Variants in RGS7 observed in about 807,000 individuals in gnomAD.
The protein encoded by RGS7 is regulator of G-protein signaling 7.
A neutral mutation model predicts 81.1 loss-of-function variants in RGS7; 27 were observed. That is an observed-to-expected ratio of 0.33 (90% CI 0.25 to 0.46). The LOEUF is 0.46. Ranked by LOEUF, RGS7 falls within the 20% of genes least tolerant of loss-of-function variation. The probability of loss-of-function intolerance (pLI) is 1.00; values close to 1 mark genes in which losing one functional copy is unlikely to be tolerated. For synonymous variants in RGS7, 208 were observed against 207.7 expected (o/e 1.00, Z -0.01); for missense variants, 396 against 607.4 (o/e 0.65, Z 3.66).
At chr1:241,100,994 G>A (rs2064697261) in intron 2 of RGS7, among the ~76,000 whole-genome samples, 1 of 152,206 alleles carries the variant, frequency 6.6e-6, no homozygotes, top group Non-Finnish European at 1.5e-5. Context: ...TTTTCTCTTG[G>A]CTAGAAGCCC....
At chr1:241,225,193 C>T (rs1353691631) in intron 2 of RGS7, among the ~76,000 whole-genome samples, 1 of 152,124 alleles carries the variant, frequency 6.6e-6, no homozygotes, top group African/African-American at 2.4e-5. Context: ...TATTATTCCA[C>T]TCTCTGAATC....
At chr1:241,021,581 CTGAG>C (rs2059538537) in intron 3 of RGS7, among the ~76,000 whole-genome samples, 1 of 152,096 alleles carries the variant, frequency 6.6e-6, no homozygotes, top group Non-Finnish European at 1.5e-5. Context: ...TATTTGCTGA[CTGAG>C]TGTCATGTGG....
In RGS7 at chr1:241,246,002, G is replaced by T. The variant is rs547827786; in HGVS notation, c.78+109697C>A. 1.7e-4 allele frequency among the ~76,000 whole-genome samples: 26 copies of T among 152,112 alleles called. No homozygotes were observed. The South Asian group carries it at 5.0e-3, about 29-fold the overall frequency. On this transcript the variant is annotated intron_variant, in intron 2 of 18. Transcript: ENST00000440928. ...GCCTGTAGTCCCAGCTACTCGGAAG[G>T]CTGAGGCAGGAGAATGGCGTGAACC...
chr1:241,056,248 C>T (rs184386830), intron 3 of RGS7, among the ~76,000 whole-genome samples: 1 of 152,312 alleles, frequency 6.6e-6, no homozygotes, highest in East Asian at 1.9e-4. Context: ...ATGTATGCTT[C>T]TTTCTTACCA....
chr1:241,019,881 G>T (rs1199036871), intron 3 of RGS7, among the ~76,000 whole-genome samples: 1 of 152,176 alleles, frequency 6.6e-6, no homozygotes, highest in Non-Finnish European at 1.5e-5. Context: ...TATGACTTCA[G>T]TTCTCTGATG....
At chr1:241,143,199 C>T (rs1033036140) in intron 2 of RGS7, among the ~76,000 whole-genome samples, 2 of 152,200 alleles carry the variant, frequency 1.3e-5, no homozygotes, top group Non-Finnish European at 2.9e-5. Context: ...TTACTGTCTT[C>T]TTCTGAGCCC....
At chr1:240,956,363 G>C (rs915164446) in intron 4 of RGS7, among the ~76,000 whole-genome samples, 9 of 129,094 alleles carry the variant, frequency 7.0e-5, no homozygotes, top group African/African-American at 2.6e-4. Context: ...ATATCCCAAA[G>C]TACCAAAAAC....
intron 2 of RGS7, among the ~76,000 whole-genome samples, chr1:241,184,964 GA>G (rs1251295869): frequency 2.0e-5 from 3 of 152,200 alleles, no homozygotes; most frequent in African/African-American, 7.2e-5. Context: ...TTCTTAAGCA[GA>G]ATGAAGGCAA....
chr1:241,046,956 G>A lies in RGS7; in HGVS notation c.175+51710C>T, dbSNP rs556062931. ...GCTCATGAGGAACTTAGAGTGAAGC[G>A]AAATGCCAGTGGACCTCCTCCAAAG... On this transcript the variant is annotated intron_variant, in intron 3 of 18. Coordinates refer to ENST00000440928, the MANE Select transcript of RGS7 (RefSeq NM_001364886.1). Among the ~76,000 whole-genome samples, 7 of 152,204 alleles carry A rather than the reference G, an allele frequency of 4.6e-5. No individual in the cohort carries two copies. The East Asian group carries it at 7.7e-4, about 17-fold the overall frequency.
intron 3 of RGS7, among the ~76,000 whole-genome samples, chr1:241,051,815 T>C (rs909618978): frequency 4.6e-5 from 7 of 152,236 alleles, no homozygotes. Context: ...ACATGTGTTA[T>C]CTTATTCACT....
intron 6 of RGS7, among the ~76,000 whole-genome samples, chr1:240,905,821 A>G (rs1386333641): frequency 1.3e-5 from 2 of 152,214 alleles, no homozygotes; most frequent in Non-Finnish European, 2.9e-5. Context: ...CTAAGATGAC[A>G]TGCACCAGGG....
intron 2 of RGS7, among the ~76,000 whole-genome samples, chr1:241,325,907 C>T (rs894978083): frequency 1.3e-5 from 2 of 152,170 alleles, no homozygotes; most frequent in Admixed American, 6.5e-5. Context: ...TGACTTGGAA[C>T]AACCGTTACA....
chr1:241,243,792 T>C (rs1192108925), intron 2 of RGS7, among the ~76,000 whole-genome samples: 4 of 152,198 alleles, frequency 2.6e-5, no homozygotes, highest in African/African-American at 9.6e-5. Flanking sequence ...GGCAGCAACC[T>C]GAAAACCTAG....
chr1:241,047,662 AC>A (rs1333882071), intron 3 of RGS7, among the ~76,000 whole-genome samples: 1 of 151,568 alleles, frequency 6.6e-6, no homozygotes, highest in African/African-American at 2.4e-5. Context: ...TAAACACGAT[AC>A]ACTTGAATAT....
chr1:241,211,603 T>C (rs575726359), intron 2 of RGS7, among the ~76,000 whole-genome samples: 26 of 152,348 alleles, frequency 1.7e-4, no homozygotes, highest in African/African-American at 5.8e-4. Context: ...GCTAATTTTC[T>C]AGCTGCAGCA....
chr1:241,172,722 G>T (rs559368210), intron 2 of RGS7, among the ~76,000 whole-genome samples: 1 of 152,312 alleles, frequency 6.6e-6, no homozygotes, highest in African/African-American at 2.4e-5. Flanking sequence ...CTTGAGAAAT[G>T]AGTCATCTGT....
chr1:241,244,614 G>C (rs141353049), intron 2 of RGS7, among the ~76,000 whole-genome samples: 101,820 of 151,940 alleles, frequency 0.67, 34,193 homozygotes, highest in East Asian at 0.69. Context: ...GGGTATATAC[G>C]CAAAGGATTA....
At chr1:240,943,831 T>A (rs1678015669) in intron 4 of RGS7, among the ~76,000 whole-genome samples, 1 of 152,078 alleles carries the variant, frequency 6.6e-6, no homozygotes, top group African/African-American at 2.4e-5. Context: ...AGAGGAGGAC[T>A]GATGTGAGGA....
intron 3 of RGS7, among the ~76,000 whole-genome samples, chr1:241,084,650 T>C (rs1227131345): frequency 1.3e-5 from 2 of 152,188 alleles, no homozygotes; most frequent in African/African-American, 4.8e-5. Flanking sequence ...TACCAGTTGG[T>C]GATAATCCTT....
Sources: allele counts gnomAD v4.1 joint callset (sites outside exome capture counted in the v4.1 genomes callset), GRCh38; gene constraint gnomAD v4.1.1; transcripts MANE v1.5; gene names NCBI Gene and HGNC (gene_info 2026-07-23, HGNC 2026-07-21).